DLGAP1: variants seen among roughly 807,000 people sequenced by gnomAD.
DLGAP1 encodes disks large-associated protein 1.
DLGAP1 carries 11 observed loss-of-function variants against 90.8 expected under a neutral mutation model. The observed-to-expected ratio is 0.12, with a 90% CI of 0.08 to 0.20. The LOEUF is 0.20. Ranked by LOEUF, DLGAP1 falls within the 10% of genes least tolerant of loss-of-function variation. DLGAP1 has a pLI of 1.00. For synonymous variants in DLGAP1, 558 were observed against 540.7 expected (o/e 1.03, Z -0.44); for missense variants, 1,050 against 1,333.8 (o/e 0.79, Z 3.31).
intron 10 of DLGAP1, among the ~76,000 whole-genome samples, chr18:3,524,977 T>A (rs1292742669): frequency 6.6e-6 from 1 of 152,190 alleles, no homozygotes; most frequent in Non-Finnish European, 1.5e-5. Flanking sequence ...AACAGTGCTT[T>A]TTTTGTTTTG....
At chr18:4,238,262 T>G (rs1198223492) in intron 1 of DLGAP1, among the ~76,000 whole-genome samples, 1 of 152,202 alleles carries the variant, frequency 6.6e-6, no homozygotes, top group Non-Finnish European at 1.5e-5. Context: ...TAGAAGAACT[T>G]CTGTGAATTA....
rs140345130 is a variant in DLGAP1, at chr18:3,686,488, G to A, written c.1591+42647C>T. Reference sequence around the variant, plus strand: ...CATATTTTTATTCAGTTTATATATTGTAGGGCAAAGACAGTGTTCCCTTAT... The same window carrying A: ...CATATTTTTATTCAGTTTATATATTATAGGGCAAAGACAGTGTTCCCTTAT... On this transcript the variant is annotated intron_variant, in intron 7 of 12. Coordinates refer to ENST00000315677, the MANE Select transcript of DLGAP1 (RefSeq NM_004746.4). Among the ~76,000 whole-genome samples the A allele has an allele frequency of 2.9e-3, 444 of 152,282 alleles. 1 individual carries two copies. The highest frequency in any genetic ancestry group is 0.01 in the African/African-American group (427 of 41,552).
At chr18:4,159,593 T>C (rs2076811794) in intron 1 of DLGAP1, among the ~76,000 whole-genome samples, 1 of 152,178 alleles carries the variant, frequency 6.6e-6, no homozygotes, top group African/African-American at 2.4e-5. Flanking sequence ...ACCTGTGTTG[T>C]TCATCTGATA....
chr18:4,324,902 C>A (rs1440514041), intron 1 of DLGAP1, among the ~76,000 whole-genome samples: 1 of 152,172 alleles, frequency 6.6e-6, no homozygotes, highest in African/African-American at 2.4e-5. Flanking sequence ...AACCCACAGA[C>A]AATATCATAC....
At chr18:4,098,583 G>A (rs1356128761) in intron 2 of DLGAP1, among the ~76,000 whole-genome samples, 1 of 152,004 alleles carries the variant, frequency 6.6e-6, no homozygotes, top group Non-Finnish European at 1.5e-5. Flanking sequence ...ATTAAATAGG[G>A]GCAACGGAGA....
chr18:3,705,452 G>A (rs1032825894), intron 7 of DLGAP1, among the ~76,000 whole-genome samples: 6 of 151,686 alleles, frequency 4.0e-5, no homozygotes, highest in African/African-American at 1.5e-4. Flanking sequence ...AAATTTGCTG[G>A]AAAATATGGA....
chr18:3,998,760 C>T (rs1185315042), intron 3 of DLGAP1, among the ~76,000 whole-genome samples: 1 of 152,076 alleles, frequency 6.6e-6, no homozygotes, highest in Non-Finnish European at 1.5e-5. Context: ...ATTCATAATA[C>T]ACATGTGCAA....
chr18:4,361,162 C>T (rs1187576000), intron 1 of DLGAP1, among the ~76,000 whole-genome samples: 1 of 151,924 alleles, frequency 6.6e-6, no homozygotes, highest in African/African-American at 2.4e-5. Context: ...AAATTAATAT[C>T]TTAATAATAA....
In DLGAP1 at chr18:3,832,839, GA is replaced by G. The variant is rs758821031; in HGVS notation, c.958-18567del. 7.2e-5 allele frequency among the ~76,000 whole-genome samples: 11 copies of G among 152,230 alleles called. No homozygotes were observed. In the East Asian group the frequency reaches 2.1e-3, roughly 30 times the overall value. On this transcript the variant is annotated intron_variant, in intron 4 of 12. Coordinates refer to ENST00000315677, the MANE Select transcript of DLGAP1 (RefSeq NM_004746.4). ...GGCCCTTGTGGGGGATGCAGGGGTG[GA>G]AAACGGGAGGCAGCTTAGGTGCCCC...
intron 7 of DLGAP1, chr18:3,654,734 A>C (rs772799525): frequency 6.6e-6 from 1 of 152,198 alleles, no homozygotes; most frequent in Non-Finnish European, 1.5e-5. Context: ...GTCCTTCAGT[A>C]AAATTCCACT....
intron 7 of DLGAP1, among the ~76,000 whole-genome samples, chr18:3,631,845 G>A (rs1599635290): frequency 2.0e-5 from 3 of 152,098 alleles, no homozygotes; most frequent in Non-Finnish European, 2.9e-5. Context: ...TGCAAATGGC[G>A]AGATCATAGT....
At chr18:3,582,810 C>T (rs1218738544) in intron 7 of DLGAP1, among the ~76,000 whole-genome samples, 1 of 151,730 alleles carries the variant, frequency 6.6e-6, no homozygotes, top group South Asian at 2.1e-4. Context: ...ACTTGTTTAT[C>T]GAAGCCAGTT....
intron 7 of DLGAP1, chr18:3,656,348 G>T: frequency 2.1e-6 from 1 of 479,316 alleles, no homozygotes; most frequent in Non-Finnish European, 3.7e-6. Context: ...CACTAAAAAT[G>T]GGATCAAACA....
intron 1 of DLGAP1, among the ~76,000 whole-genome samples, chr18:4,250,456 T>C (rs1282695474): frequency 6.6e-6 from 1 of 152,226 alleles, no homozygotes; most frequent in African/African-American, 2.4e-5. Flanking sequence ...GCCAACAATT[T>C]TGAAGATCAC....
At chr18:4,111,473 A>G (rs1374403638) in intron 2 of DLGAP1, among the ~76,000 whole-genome samples, 1 of 152,172 alleles carries the variant, frequency 6.6e-6, no homozygotes, top group Non-Finnish European at 1.5e-5. Context: ...TCCTATTATT[A>G]AGAAGACTTT....
chr18:4,121,816 T>C (rs1421181807), intron 2 of DLGAP1, among the ~76,000 whole-genome samples: 1 of 152,204 alleles, frequency 6.6e-6, no homozygotes, highest in Non-Finnish European at 1.5e-5. Flanking sequence ...TAATTTTTTC[T>C]TTAACAGTAG....
chr18:3,727,465 G>C lies in DLGAP1; in HGVS notation c.1591+1670C>G, dbSNP rs1006941941. On this transcript the variant is annotated intron_variant, in intron 7 of 12. Transcript: ENST00000315677. This position sits in a 1 kb window ranked among gnomAD's most constrained non-coding sequence, Gnocchi z 4.7. ...CTTTCCTTCCCGACTGTTCTCCTGA[G>C]AGCACCCCTTGTGACTTCTGGGCCA... 6.6e-6 allele frequency among the ~76,000 whole-genome samples: 1 copy of C among 152,138 alleles called. No homozygotes were observed. The highest frequency in any genetic ancestry group is 2.4e-5 in the African/African-American group (1 of 41,416).
chr18:4,333,781 G>A lies in DLGAP1; in HGVS notation c.-267+121225C>T, dbSNP rs531935107. 1.2e-4 allele frequency among the ~76,000 whole-genome samples: 18 copies of A among 151,018 alleles called. 1 individual carries two copies. Among genetic ancestry groups the A allele is most frequent in the Admixed American group, 2.6e-4 (4 of 15,198 alleles). On this transcript the variant is annotated intron_variant, in intron 1 of 12. Coordinates refer to ENST00000315677, the MANE Select transcript of DLGAP1 (RefSeq NM_004746.4). ...ACTACAGGCGCCCACCACCACGCCCGGCTATTTTCAGGGTTTCACTGTGTT... is the reference window on the plus strand; with the variant it reads ...ACTACAGGCGCCCACCACCACGCCCAGCTATTTTCAGGGTTTCACTGTGTT...
At chr18:3,834,120 C>T (rs1030369357) in intron 4 of DLGAP1, among the ~76,000 whole-genome samples, 1 of 151,876 alleles carries the variant, frequency 6.6e-6, no homozygotes, top group Admixed American at 6.6e-5. Flanking sequence ...TCCTGGCTAA[C>T]ACGGTGAAAC....
Sources: gnomAD v4.1 joint callset for allele counts (sites outside exome capture counted in the v4.1 genomes callset) on GRCh38, gnomAD v4.1.1 for gene constraint, Gnocchi (gnomAD v3.1) non-coding constraint, MANE v1.5 for transcripts, NCBI Gene and HGNC (gene_info 2026-07-23, HGNC 2026-07-21) for gene names.